The following RMDN2 variants were observed in gnomAD, a reference collection of about 807,000 sequenced individuals.
RMDN2 encodes the protein regulator of microtubule dynamics 2, also known as regulator of microtubule dynamics protein 2.
In RMDN2, 61 loss-of-function variants were observed where a neutral mutation model predicts 52.8. The ratio of observed to expected loss-of-function variants is 1.16; its 90% confidence interval spans 0.94 to 1.43. The LOEUF (loss-of-function observed/expected upper bound fraction) is 1.43, where lower values mean the gene tolerates loss of function less well. Ranked by LOEUF, RMDN2 falls within the 40% of genes most tolerant of loss-of-function variation. RMDN2 has a pLI of 0.00. For missense variants in RMDN2, 592 were observed against 475.3 expected, an observed-to-expected ratio of 1.25 and a Z score of -2.28; for synonymous variants, 180 against 153.1, an observed-to-expected ratio of 1.18 and a Z score of -1.30.
At chr2:37,985,579 G>C (rs1220805432) in intron 5 of RMDN2, among the ~76,000 whole-genome samples, 1 of 152,068 alleles carries the variant, frequency 6.6e-6, no homozygotes, top group Non-Finnish European at 1.5e-5. Context: ...TGTCAATCTG[G>C]GGGTGATTCT....
In RMDN2 at chr2:37,990,007, G is replaced by T. The variant is rs115568012; in HGVS notation, c.867+391G>T. On this transcript the variant is annotated intron_variant, in intron 6 of 10. Transcript: ENST00000354545. ...AAATACACACACACAAAAATTAGTG[G>T]TGGCGGGCGCCTATAGTCCCAGCTA... Among the ~76,000 whole-genome samples, 900 of 151,956 alleles carry T rather than the reference G, an allele frequency of 5.9e-3. 11 individuals carry two copies. The highest frequency in any genetic ancestry group is 0.02 in the African/African-American group (845 of 41,398).
At chr2:38,021,384 C>G (rs778171873), downstream of RMDN2, among the ~76,000 whole-genome samples, 3 of 152,044 alleles carry the variant, frequency 2.0e-5, no homozygotes, top group Admixed American at 1.3e-4. Flanking sequence ...CTGCTGGGGT[C>G]CCCCTCTGCA....
chr2:38,022,089 C>A (rs373524740), downstream of RMDN2, among the ~76,000 whole-genome samples: 1 of 152,146 alleles, frequency 6.6e-6, no homozygotes, highest in African/African-American at 2.4e-5. Context: ...GGTACTTAAA[C>A]ACGGCTTATT....
chr2:37,959,602 C>T (rs571564927), intron 2 of RMDN2, among the ~76,000 whole-genome samples: 2 of 150,950 alleles, frequency 1.3e-5, no homozygotes, highest in South Asian at 2.1e-4. Context: ...AAAACCAGCT[C>T]CTGGATTCAT....
rs1225647406 is a variant in RMDN2, at chr2:38,057,069, A to G, written c.1714-9913A>G. 2.0e-5 allele frequency among the ~76,000 whole-genome samples: 3 copies of G among 152,204 alleles called. No homozygotes were observed. In the East Asian group the frequency reaches 5.8e-4, roughly 29 times the overall value. The stretch of plus-strand genomic sequence containing the variant: ...CTCTAGCACAGTCCAGGGCCATTCA[A>G]AACAGAGGTGGAAATGATGTACATA... On this transcript the variant is annotated intron_variant, in intron 10 of 10. Transcript: ENST00000234195.
intron 2 of RMDN2, among the ~76,000 whole-genome samples, chr2:37,963,893 G>T (rs573723097): frequency 1.0e-3 from 126 of 123,428 alleles, no homozygotes; most frequent in African/African-American, 3.0e-3. Context: ...CAGGGGCGGC[G>T]GGGCAGAGGC....
At chr2:38,015,229 A>G (rs951648166) in intron 10 of RMDN2, among the ~76,000 whole-genome samples, 2 of 152,194 alleles carry the variant, frequency 1.3e-5, no homozygotes, top group African/African-American at 2.4e-5. Context: ...GATTACAGAG[A>G]AAGACAGGTG....
chr2:38,039,637 A>G (rs1680829309), intron 10 of RMDN2, among the ~76,000 whole-genome samples: 1 of 152,212 alleles, frequency 6.6e-6, no homozygotes, highest in African/African-American at 2.4e-5. Flanking sequence ...AGAAGAAGGA[A>G]GTTGTCTCTC....
chr2:38,056,154 G>T (rs1681848876), intron 10 of RMDN2, among the ~76,000 whole-genome samples: 2 of 152,130 alleles, frequency 1.3e-5, no homozygotes, highest in South Asian at 4.1e-4. Context: ...CAGGCACCCG[G>T]GATCCAGTGG....
chr2:38,024,427 T>C (rs1423274003), intron 10 of RMDN2, among the ~76,000 whole-genome samples: 1 of 152,188 alleles, frequency 6.6e-6, no homozygotes, highest in Non-Finnish European at 1.5e-5. Flanking sequence ...TTGCTTTACT[T>C]TCTTGACAAC....
At chr2:38,037,583 G>A (rs540109243) in intron 10 of RMDN2, among the ~76,000 whole-genome samples, 1 of 152,332 alleles carries the variant, frequency 6.6e-6, no homozygotes, top group African/African-American at 2.4e-5. Context: ...CCCCTAACAC[G>A]TGCTGCACAC....
intron 2 of RMDN2, chr2:37,951,437 A>G (rs1668778982): frequency 6.2e-7 from 1 of 1,612,730 alleles, no homozygotes; most frequent in Non-Finnish European, 8.5e-7. Context: ...CTTTCTCTGA[A>G]AGAAGATATT....
chr2:38,034,676 G>T (rs1390462516), intron 10 of RMDN2, among the ~76,000 whole-genome samples: 3 of 151,440 alleles, frequency 2.0e-5, no homozygotes, highest in Non-Finnish European at 2.9e-5. Flanking sequence ...TTTTATGCTT[G>T]AATCGGTTGT....
At chr2:37,951,548 A>G in intron 2 of RMDN2, 6 of 1,612,650 alleles carry the variant, frequency 3.7e-6, no homozygotes, top group Non-Finnish European at 5.1e-6. Flanking sequence ...CTGATATAAA[A>G]TCTTCCTCAG....
chr2:38,045,047 T>C (rs1681187551), intron 10 of RMDN2, among the ~76,000 whole-genome samples: 1 of 152,100 alleles, frequency 6.6e-6, no homozygotes, highest in African/African-American at 2.4e-5. Context: ...AATAACATGA[T>C]TATTTTTGTC....
In RMDN2 at chr2:38,038,976, G is replaced by A. The variant is rs74994666; in HGVS notation, c.1714-28006G>A. ...AGGGAAGGGTGTTCCCTTCTGCTCA[G>A]TTTTGATTTGAGCTTTGCAAGTGAC... On this transcript the variant is annotated intron_variant, in intron 10 of 10. Transcript: ENST00000234195. Among the ~76,000 whole-genome samples, 853 of 151,068 alleles carry A rather than the reference G, an allele frequency of 5.6e-3. 9 individuals are homozygous for A. The highest frequency in any genetic ancestry group is 0.018 in the African/African-American group (749 of 41,156).
At chr2:38,053,083 G>C (rs569710295) in intron 10 of RMDN2, among the ~76,000 whole-genome samples, 3 of 152,250 alleles carry the variant, frequency 2.0e-5, no homozygotes, top group African/African-American at 7.2e-5. Flanking sequence ...GAGATTAAAA[G>C]TAATATTTTT....
intron 2 of RMDN2, among the ~76,000 whole-genome samples, chr2:37,946,561 G>T (rs1240299182): frequency 6.6e-6 from 1 of 152,170 alleles, no homozygotes; most frequent in East Asian, 1.9e-4. Context: ...TTGCATTAAT[G>T]ATGAATGAAC....
At position 37,929,467 on chromosome 2, in the gene RMDN2, A is replaced by G; in HGVS notation, c.190A>G (p.Thr64Ala). Residue 64 changes from threonine to alanine, a missense_variant, in exon 2 of 11, where the codon ACA becomes GCA. Thr to Ala is a moderately conservative substitution (Grantham distance 58). Coordinates refer to ENST00000354545, the MANE Select transcript of RMDN2 (RefSeq NM_001170791.3). ...LQDEIHDDQG[T>A]TVIFQERQLQ... Reference sequence around the variant, plus strand: ...AGATGAAATACATGATGACCAAGGAACAACAGTAATCTTTCAAGAAAGGCA... The same window carrying G: ...AGATGAAATACATGATGACCAAGGAGCAACAGTAATCTTTCAAGAAAGGCA... The G allele has an allele frequency of 1.3e-6, 2 of 1,551,712 alleles. No individual in the cohort carries two copies.
Sources: allele counts gnomAD v4.1 joint callset (sites outside exome capture counted in the v4.1 genomes callset), GRCh38; gene constraint gnomAD v4.1.1; transcripts MANE v1.5; gene names NCBI Gene and HGNC (gene_info 2026-07-23, HGNC 2026-07-21).